Variants in KCNG2 observed in about 807,000 individuals in gnomAD.
KCNG2 encodes the protein voltage-gated potassium channel regulatory subunit KCNG2.
A neutral mutation model predicts 12.3 loss-of-function variants in KCNG2; 7 were observed. The ratio of observed to expected loss-of-function variants is 0.57; its 90% CI spans 0.32 to 1.07. The LOEUF (loss-of-function observed/expected upper bound fraction) is 1.07, where lower values mean the gene tolerates loss of function less well. Among genes scored for constraint, KCNG2 ranks in the 50% least tolerant of loss-of-function variants. The pLI is 0.04. For synonymous variants in KCNG2, 414 were observed against 351.4 expected (o/e 1.18, Z -1.99); for missense variants, 703 against 726.0 (o/e 0.97, Z 0.36).
At chr18:79,846,394 A>AG (rs1389963108) in intron 1 of KCNG2, among the ~76,000 whole-genome samples, 7 of 151,302 alleles carry the variant, frequency 4.6e-5, no homozygotes, top group Non-Finnish European at 7.4e-5. Flanking sequence ...AAAAAAAAAA[A>AG]AGAGTGAGAC....
intron 3 of KCNG2, among the ~76,000 whole-genome samples, chr18:79,871,763 G>A (rs965671224): frequency 2.6e-5 from 4 of 152,198 alleles, no homozygotes; most frequent in East Asian, 1.9e-4. Flanking sequence ...GGACGTCTGC[G>A]GTGCAGAGGG....
intron 3 of KCNG2, among the ~76,000 whole-genome samples, chr18:79,869,058 G>A (rs1979724451): frequency 6.6e-6 from 1 of 152,094 alleles, no homozygotes; most frequent in African/African-American, 2.4e-5. Context: ...CCAGGTGCAG[G>A]GGTGGGGATG....
chr18:79,801,030 C>G (rs760003351), intron 1 of KCNG2, among the ~76,000 whole-genome samples: 10 of 152,190 alleles, frequency 6.6e-5, no homozygotes, highest in Non-Finnish European at 1.0e-4. Flanking sequence ...GACAGCCTCC[C>G]TCTGCAGACA....
At chr18:79,811,068 T>C (rs1373521834) in intron 1 of KCNG2, among the ~76,000 whole-genome samples, 1 of 152,206 alleles carries the variant, frequency 6.6e-6, no homozygotes, top group African/African-American at 2.4e-5. Flanking sequence ...AGAACATTGC[T>C]GAAAGAAATT....
chr18:79,859,349 G>C (rs1032368858), intron 2 of KCNG2, among the ~76,000 whole-genome samples: 2 of 152,220 alleles, frequency 1.3e-5, no homozygotes, highest in African/African-American at 4.8e-5. Context: ...TCATGATTCT[G>C]ATGTCTGGAA....
At chr18:79,832,881 T>C (rs992757674) in intron 1 of KCNG2, among the ~76,000 whole-genome samples, 2 of 152,160 alleles carry the variant, frequency 1.3e-5, no homozygotes, top group African/African-American at 4.8e-5. Flanking sequence ...CTTAAGCCCC[T>C]GGCACCTTAA....
intron 2 of KCNG2, among the ~76,000 whole-genome samples, chr18:79,862,661 C>G (rs1234205096): frequency 6.6e-6 from 1 of 152,240 alleles, no homozygotes; most frequent in African/African-American, 2.4e-5. Flanking sequence ...TCATCTCATT[C>G]CCCAGCCTTT....
intron 1 of KCNG2, among the ~76,000 whole-genome samples, chr18:79,809,405 A>G (rs34021970): frequency 2.0e-5 from 2 of 98,896 alleles, no homozygotes; most frequent in Non-Finnish European, 2.0e-5. Context: ...TGCCGGGGAC[A>G]CACTGACCAC....
chr18:79,823,247 C>T (rs191145469), intron 1 of KCNG2, among the ~76,000 whole-genome samples: 12 of 152,338 alleles, frequency 7.9e-5, no homozygotes, highest in Admixed American at 2.6e-4. Context: ...GTTTACTCAG[C>T]GACCTTGCTC....
chr18:79,828,513 A>AGTGC (rs1568248336), intron 1 of KCNG2, among the ~76,000 whole-genome samples: 1 of 151,354 alleles, frequency 6.6e-6, no homozygotes, highest in African/African-American at 2.4e-5. Context: ...GAGTCTGTGT[A>AGTGC]GTGTAACGTG....
At chr18:79,844,753 G>C (rs940500057) in intron 1 of KCNG2, among the ~76,000 whole-genome samples, 3 of 152,230 alleles carry the variant, frequency 2.0e-5, no homozygotes, top group Non-Finnish European at 4.4e-5. Flanking sequence ...GTGATATCAA[G>C]TGCTGGCAAG....
At chr18:79,802,517 G>A (rs2087418625) in intron 1 of KCNG2, among the ~76,000 whole-genome samples, 2 of 152,248 alleles carry the variant, frequency 1.3e-5, no homozygotes, top group African/African-American at 4.8e-5. Context: ...AGTGGGGAAG[G>A]TCTGGCTGTA....
intron 3 of KCNG2, among the ~76,000 whole-genome samples, chr18:79,864,795 G>A (rs1287929132): frequency 6.6e-6 from 1 of 151,864 alleles, no homozygotes; most frequent in Non-Finnish European, 1.5e-5. Flanking sequence ...AGAGGTCTGG[G>A]TGCTGAGGTC....
At chr18:79,857,703 T>C (rs1349036986) in intron 2 of KCNG2, among the ~76,000 whole-genome samples, 1 of 151,978 alleles carries the variant, frequency 6.6e-6, no homozygotes, top group Non-Finnish European at 1.5e-5. Context: ...CAAGCCTCAG[T>C]GATGAGGCTT....
At chr18:79,815,647 A>G (rs1023258087) in intron 1 of KCNG2, among the ~76,000 whole-genome samples, 1 of 152,094 alleles carries the variant, frequency 6.6e-6, no homozygotes, top group Non-Finnish European at 1.5e-5. Flanking sequence ...ACAAACCCCC[A>G]ACTTCTCCAC....
rs737504 is a variant in KCNG2, at chr18:79,900,015, T to C, written c.*199T>C. The C allele has an allele frequency of 0.15, 57,247 of 393,184 alleles. 5,114 individuals carry two copies. The highest frequency in any genetic ancestry group is 0.34 in the East Asian group (8,424 of 25,052). 24.4% of individuals were successfully genotyped at this position (393,184 alleles called of 1,614,324 possible). On this transcript the variant is annotated 3_prime_UTR_variant, in exon 4 of 4. Coordinates refer to ENST00000316249, the MANE Select transcript of KCNG2 (RefSeq NM_012283.2). ...CCGTGGCAGCGCTGGGCAAAGTCAC[T>C]GGCCTTTGTCCTCCTGCCCCACCCC...
intron 1 of KCNG2, among the ~76,000 whole-genome samples, chr18:79,807,212 C>A (rs2087455983): frequency 6.6e-6 from 1 of 152,124 alleles, no homozygotes; most frequent in Non-Finnish European, 1.5e-5. Flanking sequence ...GTGGGTGGCT[C>A]AGGGATACTG....
At chr18:79,840,528 C>A (rs1978425997) in intron 1 of KCNG2, among the ~76,000 whole-genome samples, 1 of 151,744 alleles carries the variant, frequency 6.6e-6, no homozygotes, top group South Asian at 2.1e-4. Context: ...TCAGTTCTCC[C>A]CAAATTGATA....
At chr18:79,866,128 TCTGAGGTCTGGGTG>T (rs1979523322) in intron 3 of KCNG2, among the ~76,000 whole-genome samples, 6 of 106,604 alleles carry the variant, frequency 5.6e-5, no homozygotes, top group Admixed American at 2.8e-4. Context: ...AGGTCTGTGT[TCTGAGGTCTGGGTG>T]CTGAGAGGTC....
Sources: gnomAD v4.1 joint callset for allele counts (sites outside exome capture counted in the v4.1 genomes callset) on GRCh38, gnomAD v4.1.1 for gene constraint, MANE v1.5 for transcripts, NCBI Gene and HGNC (gene_info 2026-07-23, HGNC 2026-07-21) for gene names.